Variants in WDR70 observed in about 807,000 individuals in gnomAD.
The protein encoded by WDR70 is WD repeat domain 70, also known as WD repeat-containing protein 70.
In WDR70, 53 loss-of-function variants were observed where a neutral mutation model predicts 88.6. The observed-to-expected ratio is 0.60, with a 90% CI of 0.48 to 0.75. The LOEUF is 0.75. Among genes scored for constraint, WDR70 ranks in the 30% least tolerant of loss-of-function variants. The pLI is 0.00. For missense variants in WDR70, 610 were observed against 823.2 expected (o/e 0.74, Z 3.17); for synonymous variants, 280 against 270.0 (o/e 1.04, Z -0.36).
At chr5:37,420,855 A>G (rs1487076987) in intron 5 of WDR70, among the ~76,000 whole-genome samples, 2 of 152,152 alleles carry the variant, frequency 1.3e-5, no homozygotes, top group Non-Finnish European at 2.9e-5. Context: ...CAGAGGTTGC[A>G]GTGAGCCGAG....
At chr5:37,621,272 T>A (rs1473272206) in intron 10 of WDR70, among the ~76,000 whole-genome samples, 3 of 152,154 alleles carry the variant, frequency 2.0e-5, no homozygotes, top group Non-Finnish European at 4.4e-5. Flanking sequence ...TTTAAATTGT[T>A]AGAAATGATT....
intron 9 of WDR70, among the ~76,000 whole-genome samples, chr5:37,529,670 A>G (rs1251233669): frequency 6.6e-6 from 1 of 152,100 alleles, no homozygotes; most frequent in Non-Finnish European, 1.5e-5. Context: ...GTGTACATTA[A>G]TTTTGTATCC....
At position 37,649,733 on chromosome 5, in the gene WDR70, C is replaced by CTTTTTTTTTTTT. The variant is rs70978834; in HGVS notation, c.1092+44506_1092+44517dup. On this transcript the variant is annotated intron_variant, in intron 10 of 17. Coordinates refer to ENST00000265107, the MANE Select transcript of WDR70 (RefSeq NM_018034.4). The stretch of plus-strand genomic sequence containing the variant: ...ATATACATTCACGATGTTATTACTT[C>CTTTTTTTTTTTT]TTTTTTTTTTTTTTTTTTTTTTGAG... 6.0e-4 allele frequency among the ~76,000 whole-genome samples: 41 copies of CTTTTTTTTTTTT among 68,742 alleles called. 7 individuals carry two copies. The highest frequency in any genetic ancestry group is 2.0e-3 in the African/African-American group (32 of 15,618). The allele number at this position is 68,742 out of a possible 152,430, so 45.1% of individuals were successfully genotyped here. A position where few individuals can be genotyped will look rare whatever the true frequency, so the allele number is the denominator to read the frequency against.
At chr5:37,738,469 A>T (rs185244420) in intron 17 of WDR70, among the ~76,000 whole-genome samples, 8 of 152,348 alleles carry the variant, frequency 5.3e-5, no homozygotes, top group African/African-American at 1.2e-4. Context: ...ACATTTTGTT[A>T]CAGTGAAGAC....
chr5:37,487,617 A>ATTTTTTTTTTTTTTTTTTTT (rs1561871934), intron 8 of WDR70, among the ~76,000 whole-genome samples: 1 of 43,760 alleles, frequency 2.3e-5, no homozygotes, highest in African/African-American at 4.9e-5. Context: ...ATATATATAT[A>ATTTTTTTTTTTTTTTTTTTT]TATATATGTA....
intron 15 of WDR70, chr5:37,724,153 C>A (rs1747903028): frequency 6.6e-6 from 1 of 151,298 alleles, no homozygotes; most frequent in African/African-American, 2.4e-5. Flanking sequence ...TTTTCTGGGG[C>A]AAAAAAAGGG....
At position 37,516,572 on chromosome 5, in the gene WDR70, T is replaced by G; in HGVS notation, c.899T>G (p.Met300Arg). 2 of 1,607,774 alleles carry G rather than the reference T, an allele frequency of 1.2e-6. No homozygotes were observed. The highest frequency in any genetic ancestry group is 1.7e-6 in the Non-Finnish European group (2 of 1,175,416). Reference protein sequence around the residue: ...SWHPKIKGEFMTCSNDATVRT... With the variant: ...SWHPKIKGEFRTCSNDATVRT... ...CATCCCAAAATAAAGGGAGAATTTA[T>G]GACTTGCTCAAATGATGCGTGAGTA... The change falls in exon 9 of 18, where the codon ATG becomes AGG. Residue 300 changes from methionine (M) to arginine (R), a missense_variant. Physicochemically the swap from Met to Arg is moderately conservative, Grantham distance 91. Around this residue, in one of 4 missense-constraint regions of WDR70, gnomAD observed 83 missense variants for 155.3 expected, o/e 0.53. Coordinates refer to ENST00000265107, the MANE Select transcript of WDR70 (RefSeq NM_018034.4).
chr5:37,521,975 C>T (rs944189082), intron 9 of WDR70, among the ~76,000 whole-genome samples: 13 of 152,088 alleles, frequency 8.5e-5, no homozygotes, highest in South Asian at 4.1e-4. Flanking sequence ...TTTACATTCC[C>T]GCAAACAGTG....
chr5:37,552,534 T>C (rs1156856543), intron 9 of WDR70, among the ~76,000 whole-genome samples: 1 of 152,128 alleles, frequency 6.6e-6, no homozygotes, highest in African/African-American at 2.4e-5. Context: ...GTGAAAGCAG[T>C]GGATAGCATA....
chr5:37,573,882 A>G lies in WDR70; in HGVS notation c.918-31182A>G, dbSNP rs555226283. Among the ~76,000 whole-genome samples the G allele has an allele frequency of 2.6e-5, 4 of 152,154 alleles. No homozygotes were observed. In the South Asian group the frequency reaches 8.3e-4, roughly 32 times the overall value. ...CTTTCCTGGCTTCTCAGCAACCCTC[A>G]GCACGCTGGATCATTTCCTCCTTGG... is the stretch of plus-strand genomic sequence containing the variant. On this transcript the variant is annotated intron_variant, in intron 9 of 17. Coordinates refer to ENST00000265107, the MANE Select transcript of WDR70 (RefSeq NM_018034.4).
At chr5:37,476,646 G>A (rs1561867030) in intron 7 of WDR70, among the ~76,000 whole-genome samples, 1 of 151,824 alleles carries the variant, frequency 6.6e-6, no homozygotes, top group Admixed American at 6.6e-5. Context: ...CGCCTCCTGA[G>A]ATCAAGCAGT....
chr5:37,744,452 C>T (rs1038242334), intron 17 of WDR70, among the ~76,000 whole-genome samples: 2 of 151,912 alleles, frequency 1.3e-5, no homozygotes, highest in Non-Finnish European at 2.9e-5. Flanking sequence ...CAGAGGTAGG[C>T]TTCAGAAAAT....
At chr5:37,604,263 T>G (rs1177020009) in intron 9 of WDR70, among the ~76,000 whole-genome samples, 1 of 152,254 alleles carries the variant, frequency 6.6e-6, no homozygotes, top group African/African-American at 2.4e-5. Flanking sequence ...TTAAAATATA[T>G]TTTGACTGGC....
intron 9 of WDR70, among the ~76,000 whole-genome samples, chr5:37,591,009 A>G (rs1371730462): frequency 6.6e-6 from 1 of 152,180 alleles, no homozygotes; most frequent in African/African-American, 2.4e-5. Flanking sequence ...TGAGAAGACA[A>G]ATCAAATTGA....
chr5:37,483,586 A>G (rs1452932870), intron 8 of WDR70, among the ~76,000 whole-genome samples: 1 of 152,134 alleles, frequency 6.6e-6, no homozygotes, highest in African/African-American at 2.4e-5. Flanking sequence ...CGCCATCGTC[A>G]TCATAGCCCG....
intron 9 of WDR70, among the ~76,000 whole-genome samples, chr5:37,588,794 T>C (rs181900811): frequency 6.6e-6 from 1 of 152,088 alleles, no homozygotes; most frequent in East Asian, 1.9e-4. Context: ...GACAGAGTCT[T>C]GTTCTGTCAC....
At chr5:37,747,003 T>C (rs1461691932) in intron 17 of WDR70, among the ~76,000 whole-genome samples, 1 of 152,168 alleles carries the variant, frequency 6.6e-6, no homozygotes, top group Non-Finnish European at 1.5e-5. Context: ...CTGATGAACA[T>C]TGATGCAAAA....
intron 9 of WDR70, among the ~76,000 whole-genome samples, chr5:37,580,008 T>C (rs2112423562): frequency 6.6e-6 from 1 of 152,258 alleles, no homozygotes; most frequent in African/African-American, 2.4e-5. Flanking sequence ...AACATTTGCT[T>C]CTCAAAAATT....
intron 10 of WDR70, among the ~76,000 whole-genome samples, chr5:37,687,012 A>G (rs975125557): frequency 6.6e-6 from 1 of 151,574 alleles, no homozygotes; most frequent in African/African-American, 2.4e-5. Flanking sequence ...TTAATTATCA[A>G]TCTCAGCTTC....
Sources: allele counts gnomAD v4.1 joint callset (sites outside exome capture counted in the v4.1 genomes callset), GRCh38; gene constraint gnomAD v4.1.1; regional missense constraint gnomAD v4.1.1; transcripts MANE v1.5; gene names NCBI Gene and HGNC (gene_info 2026-07-23, HGNC 2026-07-21).